Variants in SUMF1 observed in about 807,000 individuals in gnomAD.
SUMF1 encodes the protein sulfatase modifying factor 1.
SUMF1 carries 48 observed loss-of-function variants against 47.6 expected under a neutral mutation model. That is an observed-to-expected ratio of 1.01 (90% CI 0.80 to 1.28). SUMF1 has a LOEUF of 1.28. SUMF1 is among the 50% of genes most tolerant of loss of function. The probability of loss-of-function intolerance (pLI) is 0.00; values close to 1 mark genes in which losing one functional copy is unlikely to be tolerated. For synonymous variants in SUMF1, 230 were observed against 192.1 expected (o/e 1.20, Z -1.63); for missense variants, 571 against 485.4 (o/e 1.18, Z -1.66).
intron 8 of SUMF1, among the ~76,000 whole-genome samples, chr3:4,244,794 GC>G (rs1446731350): frequency 6.6e-6 from 1 of 152,082 alleles, no homozygotes; most frequent in Non-Finnish European, 1.5e-5. Context: ...ATGTTGGCCT[GC>G]CTTGCTAGGT....
intron 8 of SUMF1, among the ~76,000 whole-genome samples, chr3:4,147,717 G>T (rs567453453): frequency 6.6e-6 from 1 of 152,226 alleles, no homozygotes; most frequent in Admixed American, 6.5e-5. Context: ...CCTTATAACA[G>T]TCATGATACA....
chr3:4,449,487 G>A, intron 2 of SUMF1, 147 bp from the exon 3 acceptor site: 1 of 828,360 alleles, frequency 1.2e-6, no homozygotes, highest in Non-Finnish European at 2.0e-6. Context: ...ACTCAGAAAT[G>A]ACCTAAAAGT....
At chr3:4,161,022 C>T (rs1694564073) in intron 8 of SUMF1, among the ~76,000 whole-genome samples, 1 of 152,122 alleles carries the variant, frequency 6.6e-6, no homozygotes, top group South Asian at 2.1e-4. Flanking sequence ...AATTTTTAGT[C>T]ATTGCAGCTG....
At chr3:4,066,662 C>T (rs1695383098) in intron 9 of SUMF1, among the ~76,000 whole-genome samples, 1 of 152,136 alleles carries the variant, frequency 6.6e-6, no homozygotes, top group Admixed American at 6.6e-5. Flanking sequence ...ACACCCCCAA[C>T]CCCATTTTAG....
chr3:4,103,582 G>C (rs1693087875), intron 8 of SUMF1, among the ~76,000 whole-genome samples: 1 of 152,058 alleles, frequency 6.6e-6, no homozygotes, highest in Non-Finnish European at 1.5e-5. Flanking sequence ...GTGATTAGTG[G>C]TTTCTGCTTT....
chr3:4,099,577 T>C (rs1692984588), intron 8 of SUMF1, among the ~76,000 whole-genome samples: 1 of 152,158 alleles, frequency 6.6e-6, no homozygotes. Context: ...CTCTAACTAC[T>C]TCTGTTTAAC....
chr3:4,144,891 G>A (rs529248150), intron 8 of SUMF1, among the ~76,000 whole-genome samples: 8 of 152,008 alleles, frequency 5.3e-5, no homozygotes, highest in Non-Finnish European at 1.0e-4. Flanking sequence ...TTATTCTTAC[G>A]GTATAAGGGA....
chr3:4,085,750 A>G (rs1692658049), intron 8 of SUMF1, among the ~76,000 whole-genome samples: 1 of 152,130 alleles, frequency 6.6e-6, no homozygotes, highest in South Asian at 2.1e-4. Flanking sequence ...CTTTTACCTA[A>G]AGAACTACAA....
intron 8 of SUMF1, among the ~76,000 whole-genome samples, chr3:4,077,196 A>G (rs906597973): frequency 1.3e-5 from 2 of 152,126 alleles, no homozygotes; most frequent in Admixed American, 6.5e-5. Context: ...GAATGCTTTT[A>G]CACTGTTGGT....
intron 8 of SUMF1, among the ~76,000 whole-genome samples, chr3:4,318,300 A>G (rs543770554): frequency 1.6e-3 from 246 of 152,346 alleles, no homozygotes; most frequent in Middle Eastern, 6.8e-3. Context: ...TTAACATACG[A>G]AAATCAGTAA....
intron 9 of SUMF1, among the ~76,000 whole-genome samples, chr3:4,042,088 G>A (rs144296643): frequency 6.6e-6 from 1 of 152,178 alleles, no homozygotes; most frequent in African/African-American, 2.4e-5. Flanking sequence ...GTAACTTTTA[G>A]GAAACCACTT....
chr3:4,285,489 T>A (rs1697615364), intron 8 of SUMF1, among the ~76,000 whole-genome samples: 1 of 152,144 alleles, frequency 6.6e-6, no homozygotes, highest in Non-Finnish European at 1.5e-5. Flanking sequence ...AAGGAAAAAA[T>A]GTATATGGTT....
At chr3:4,042,804 T>G (rs1023148587) in intron 9 of SUMF1, among the ~76,000 whole-genome samples, 1 of 152,158 alleles carries the variant, frequency 6.6e-6, no homozygotes, top group Admixed American at 6.5e-5. Flanking sequence ...TCCCTATTTA[T>G]TGATGGGTTG....
chr3:4,091,527 T>A (rs1260600612), intron 8 of SUMF1, among the ~76,000 whole-genome samples: 1 of 152,130 alleles, frequency 6.6e-6, no homozygotes, highest in Non-Finnish European at 1.5e-5. Flanking sequence ...TATGTACAAA[T>A]TGAATATTCA....
intron 8 of SUMF1, chr3:4,317,178 A>G (rs1698699320): frequency 6.5e-7 from 1 of 1,550,124 alleles, no homozygotes; most frequent in African/African-American, 1.4e-5. Flanking sequence ...TTTTTACGCT[A>G]CAGGAATAAA....
At chr3:4,248,514 T>A (rs1696719949) in intron 8 of SUMF1, among the ~76,000 whole-genome samples, 1 of 152,200 alleles carries the variant, frequency 6.6e-6, no homozygotes, top group South Asian at 2.1e-4. Flanking sequence ...TCTGGATTAA[T>A]GAGTGGCAAG....
intron 8 of SUMF1, among the ~76,000 whole-genome samples, chr3:4,171,318 C>A (rs1019542041): frequency 1.3e-5 from 2 of 152,116 alleles, no homozygotes; most frequent in African/African-American, 2.4e-5. Context: ...GGTCAGCACA[C>A]ATGAGTCTAT....
intron 1 of SUMF1, among the ~76,000 whole-genome samples, chr3:4,455,275 C>A (rs1380291522): frequency 1.3e-5 from 2 of 152,008 alleles, no homozygotes; most frequent in African/African-American, 4.8e-5. Flanking sequence ...TCATAAGAAA[C>A]TACTTATAAA....
At chr3:4,047,202 G>T (rs559367977) in intron 9 of SUMF1, among the ~76,000 whole-genome samples, 2 of 151,970 alleles carry the variant, frequency 1.3e-5, no homozygotes, top group African/African-American at 4.8e-5. Context: ...TATCCCCTAA[G>T]CTCATTATTC....
Sources: allele counts gnomAD v4.1 joint callset (sites outside exome capture counted in the v4.1 genomes callset), GRCh38; gene constraint gnomAD v4.1.1; transcripts MANE v1.5; gene names NCBI Gene and HGNC (gene_info 2026-07-23, HGNC 2026-07-21).